PPP3CA: variants seen among roughly 807,000 people sequenced by gnomAD.
PPP3CA encodes the protein CAM-PRP catalytic subunit.
A neutral mutation model predicts 66.5 loss-of-function variants in PPP3CA; 14 were observed. The ratio of observed to expected loss-of-function variants is 0.21; its 90% confidence interval spans 0.14 to 0.33. PPP3CA has a LOEUF of 0.33. Among genes scored for constraint, PPP3CA ranks in the 10% least tolerant of loss-of-function variants. The probability of loss-of-function intolerance (pLI) is 1.00; values close to 1 mark genes in which losing one functional copy is unlikely to be tolerated. For missense variants in PPP3CA, 317 were observed against 639.5 expected, an observed-to-expected ratio of 0.50 and a Z score of 5.44; for synonymous variants, 232 against 226.2, an observed-to-expected ratio of 1.03 and a Z score of -0.23.
At chr4:101,311,874 AATTT>A (rs2110311365) in intron 1 of PPP3CA, among the ~76,000 whole-genome samples, 1 of 152,282 alleles carries the variant, frequency 6.6e-6, no homozygotes, top group African/African-American at 2.4e-5. Flanking sequence ...CAAGCCATCC[AATTT>A]ATTACCTTTT....
At chr4:101,110,297 CCTTA>C (rs1721627788) in intron 2 of PPP3CA, among the ~76,000 whole-genome samples, 1 of 152,020 alleles carries the variant, frequency 6.6e-6, no homozygotes, top group South Asian at 2.1e-4. Context: ...AATTTTATTT[CCTTA>C]CTTGACAAAA....
rs554383258 is a variant in PPP3CA at position 101,189,687 on chromosome 4, C to CAAAAAAAAAA, written c.259+6219_259+6228dup. ...GTACAGTGTTTATGATAGTGAACGG[C>CAAAAAAAAAA]AAAAAAAAAAAAAAAAACAAAACCA... is the stretch of plus-strand genomic sequence containing the variant. On this transcript the variant is annotated intron_variant, in intron 2 of 13. Coordinates refer to ENST00000394854, the MANE Select transcript of PPP3CA (RefSeq NM_000944.5). Among the ~76,000 whole-genome samples the CAAAAAAAAAA allele has an allele frequency of 5.5e-5, 4 of 72,620 alleles. 1 individual carries two copies. The highest frequency in any genetic ancestry group is 8.3e-4 in the East Asian group (2 of 2,418). 47.6% of individuals were successfully genotyped at this position (72,620 alleles called of 152,430 possible). A position where few individuals can be genotyped will look rare whatever the true frequency, so the allele number is the denominator to read the frequency against.
intron 1 of PPP3CA, among the ~76,000 whole-genome samples, chr4:101,254,722 A>G (rs1726784775): frequency 2.0e-5 from 3 of 151,538 alleles, no homozygotes; most frequent in South Asian, 2.1e-4. Context: ...GTATTAATTG[A>G]CTCTTCCCTC....
intron 6 of PPP3CA, among the ~76,000 whole-genome samples, chr4:101,083,785 C>G (rs575363923): frequency 1.3e-5 from 2 of 152,112 alleles, no homozygotes; most frequent in African/African-American, 4.8e-5. Context: ...TCCTCCCATA[C>G]GGTGGGAAAT....
intron 1 of PPP3CA, among the ~76,000 whole-genome samples, chr4:101,226,780 T>C (rs1725796145): frequency 6.6e-6 from 1 of 151,666 alleles, no homozygotes; most frequent in African/African-American, 2.4e-5. Flanking sequence ...CAGAGTTAAA[T>C]CTCTCATGTA....
intron 2 of PPP3CA, among the ~76,000 whole-genome samples, chr4:101,184,305 G>A (rs1216836694): frequency 1.3e-5 from 2 of 152,142 alleles, no homozygotes; most frequent in Non-Finnish European, 2.9e-5. Context: ...GAGAGCTTGA[G>A]GCCCAGAATC....
chr4:101,228,575 A>G (rs1368510394), intron 1 of PPP3CA, among the ~76,000 whole-genome samples: 1 of 151,524 alleles, frequency 6.6e-6, no homozygotes, highest in African/African-American at 2.4e-5. Flanking sequence ...TCACAACAAA[A>G]TATCTCCATG....
intron 1 of PPP3CA, among the ~76,000 whole-genome samples, chr4:101,198,683 C>T (rs968538239): frequency 2.0e-5 from 3 of 152,124 alleles, no homozygotes; most frequent in African/African-American, 4.8e-5. Flanking sequence ...TGAGAGGCAA[C>T]AGGAGAGCAC....
chr4:101,299,199 C>T (rs1342445729), intron 1 of PPP3CA, among the ~76,000 whole-genome samples: 2 of 143,592 alleles, frequency 1.4e-5, no homozygotes, highest in East Asian at 2.1e-4. Flanking sequence ...GTGATCCTCC[C>T]GTCTCAGCCT....
chr4:101,162,844 T>C (rs1264991188), intron 2 of PPP3CA, among the ~76,000 whole-genome samples: 1 of 152,160 alleles, frequency 6.6e-6, no homozygotes, highest in East Asian at 1.9e-4. Flanking sequence ...GGCCATGCCT[T>C]TGAGAAACCT....
intron 1 of PPP3CA, among the ~76,000 whole-genome samples, chr4:101,272,068 C>T (rs1727353862): frequency 6.6e-6 from 1 of 152,006 alleles, no homozygotes; most frequent in Non-Finnish European, 1.5e-5. Context: ...AAAGGGCTTC[C>T]CTTACACCCC....
intron 13 of PPP3CA, among the ~76,000 whole-genome samples, chr4:101,027,495 G>A (rs1251938869): frequency 1.3e-5 from 2 of 152,036 alleles, no homozygotes; most frequent in African/African-American, 4.8e-5. Flanking sequence ...AAAGACCAAG[G>A]CCCAAAGCAA....
At chr4:101,341,493 G>A (rs911342835) in intron 1 of PPP3CA, among the ~76,000 whole-genome samples, 1 of 152,116 alleles carries the variant, frequency 6.6e-6, no homozygotes, top group Non-Finnish European at 1.5e-5. Context: ...TAATGGTTCT[G>A]ACTATTCTCA....
intron 1 of PPP3CA, among the ~76,000 whole-genome samples, chr4:101,297,790 T>C (rs542306430): frequency 6.6e-6 from 1 of 152,342 alleles, no homozygotes; most frequent in South Asian, 2.1e-4. Context: ...AAATTAAACA[T>C]GTATTTAAAC....
chr4:101,333,162 C>T (rs1176959932), intron 1 of PPP3CA, among the ~76,000 whole-genome samples: 6 of 140,378 alleles, frequency 4.3e-5, no homozygotes, highest in East Asian at 2.1e-4. Flanking sequence ...TGGAATGTAA[C>T]GGCATGATCA....
intron 10 of PPP3CA, among the ~76,000 whole-genome samples, chr4:101,047,408 T>A (rs763814898): frequency 6.6e-6 from 1 of 152,146 alleles, no homozygotes; most frequent in African/African-American, 2.4e-5. Context: ...GTTGTAAACA[T>A]TATGAGATTA....
intron 13 of PPP3CA, among the ~76,000 whole-genome samples, chr4:101,027,687 G>A (rs968556137): frequency 6.6e-6 from 1 of 152,128 alleles, no homozygotes; most frequent in African/African-American, 2.4e-5. Context: ...AGGTATAAAA[G>A]TTTGTCATCA....
intron 2 of PPP3CA, among the ~76,000 whole-genome samples, chr4:101,133,861 G>A (rs1722528877): frequency 1.3e-5 from 2 of 152,290 alleles, no homozygotes; most frequent in Admixed American, 1.3e-4. Context: ...CAAGGCTACA[G>A]TAACCAAAAC....
At chr4:101,339,299 C>T (rs1288040273) in intron 1 of PPP3CA, among the ~76,000 whole-genome samples, 2 of 152,128 alleles carry the variant, frequency 1.3e-5, no homozygotes, top group Non-Finnish European at 2.9e-5. Flanking sequence ...AACTAAAATA[C>T]ACAAATCATC....
Sources: gnomAD v4.1 joint callset for allele counts (sites outside exome capture counted in the v4.1 genomes callset) on GRCh38, gnomAD v4.1.1 for gene constraint, MANE v1.5 for transcripts, NCBI Gene and HGNC (gene_info 2026-07-23, HGNC 2026-07-21) for gene names.